GRM5: variants seen among roughly 807,000 people sequenced by gnomAD.
GRM5 encodes glutamate metabotropic receptor 5, also known as metabotropic glutamate receptor 5.
GRM5 carries 19 observed loss-of-function variants against 83.1 expected under a neutral mutation model. The observed-to-expected ratio is 0.23, with a 90% CI of 0.16 to 0.34. The LOEUF is 0.34. Ranked by LOEUF, GRM5 falls within the 10% of genes least tolerant of loss-of-function variation. GRM5 has a pLI of 1.00. For synonymous variants in GRM5, 675 were observed against 633.6 expected (o/e 1.07, Z -0.98); for missense variants, 1,160 against 1,588.3 (o/e 0.73, Z 4.58).
intron 2 of GRM5, among the ~76,000 whole-genome samples, chr11:88,931,211 A>T (rs1329095851): frequency 6.6e-6 from 1 of 151,790 alleles, no homozygotes; most frequent in Non-Finnish European, 1.5e-5. Flanking sequence ...ACTATATGCT[A>T]TCTGAAAAGC....
intron 3 of GRM5, among the ~76,000 whole-genome samples, chr11:88,738,391 T>A (rs1199122878): frequency 1.3e-5 from 2 of 152,032 alleles, no homozygotes; most frequent in Non-Finnish European, 2.9e-5. Flanking sequence ...TAATTAAATA[T>A]GTATACACAT....
chr11:88,664,389 G>T (rs1450579618), intron 3 of GRM5, among the ~76,000 whole-genome samples: 1 of 151,594 alleles, frequency 6.6e-6, no homozygotes, highest in Non-Finnish European at 1.5e-5. Context: ...TTTTTCCCTT[G>T]TCATTATTCC....
intron 2 of GRM5, among the ~76,000 whole-genome samples, chr11:88,902,639 C>G (rs1945330342): frequency 6.6e-6 from 1 of 151,948 alleles, no homozygotes; most frequent in Non-Finnish European, 1.5e-5. Flanking sequence ...AGACACCAAA[C>G]AGAAAAATAA....
chr11:88,598,258 A>G (rs1432683823), intron 5 of GRM5, among the ~76,000 whole-genome samples: 2 of 152,136 alleles, frequency 1.3e-5, no homozygotes, highest in Non-Finnish European at 2.9e-5. Context: ...ATGTGTAGCT[A>G]TCTGGAAACT....
rs184840799 is a variant in GRM5 at position 89,044,045 on chromosome 11, T to C, written c.661+3167A>G. ...AAGCACCATTAGTAGACGTCATCAA[T>C]GCAATCTGCCACACTGCTAAATGGG... On this transcript the variant is annotated intron_variant, in intron 2 of 9. Coordinates refer to ENST00000305447, the MANE Select transcript of GRM5 (RefSeq NM_001143831.3). 6.9e-3 allele frequency among the ~76,000 whole-genome samples: 1,054 copies of C among 152,326 alleles called. 6 individuals carry two copies. Among genetic ancestry groups the C allele is most frequent in the Non-Finnish European group, 0.012 (813 of 68,022 alleles).
At chr11:88,812,929 C>T (rs1393739147) in intron 3 of GRM5, among the ~76,000 whole-genome samples, 1 of 152,066 alleles carries the variant, frequency 6.6e-6, no homozygotes, top group Non-Finnish European at 1.5e-5. Flanking sequence ...TCTGTCTATG[C>T]TTGTTTCATT....
At chr11:88,619,783 C>A (rs186502484) in intron 4 of GRM5, among the ~76,000 whole-genome samples, 5 of 152,130 alleles carry the variant, frequency 3.3e-5, no homozygotes, top group Non-Finnish European at 7.4e-5. Flanking sequence ...CTCACTGTTT[C>A]TTCTGTACCC....
intron 2 of GRM5, among the ~76,000 whole-genome samples, chr11:88,981,883 G>A (rs1156436417): frequency 6.6e-6 from 1 of 152,102 alleles, no homozygotes; most frequent in Non-Finnish European, 1.5e-5. Context: ...GGAGAAATTG[G>A]CATCTAGGAG....
intron 3 of GRM5, among the ~76,000 whole-genome samples, chr11:88,720,822 GTGT>G (rs1941520209): frequency 8.7e-5 from 1 of 11,510 alleles, no homozygotes; most frequent in Non-Finnish European, 8.9e-4. Context: ...GTGTGTGTGC[GTGT>G]GTGTGTGTGT....
At chr11:89,003,560 A>T (rs556306255) in intron 2 of GRM5, among the ~76,000 whole-genome samples, 1 of 152,320 alleles carries the variant, frequency 6.6e-6, no homozygotes, top group South Asian at 2.1e-4. Flanking sequence ...TAAGAATAAC[A>T]ATGAACCAAG....
intron 3 of GRM5, among the ~76,000 whole-genome samples, chr11:88,670,127 G>A (rs1940153289): frequency 6.6e-6 from 1 of 151,840 alleles, no homozygotes; most frequent in Admixed American, 6.6e-5. Flanking sequence ...TCTAACAAAG[G>A]CAACACTGCA....
chr11:89,011,092 G>GT, intron 2 of GRM5, among the ~76,000 whole-genome samples: 1 of 152,208 alleles, frequency 6.6e-6, no homozygotes, highest in East Asian at 1.9e-4. Context: ...AACTCAATGA[G>GT]TTAGAATCTG....
intron 2 of GRM5, among the ~76,000 whole-genome samples, chr11:88,951,383 A>C (rs769980924): frequency 6.6e-6 from 1 of 152,206 alleles, no homozygotes; most frequent in African/African-American, 2.4e-5. Context: ...AAGGGGAAGA[A>C]CTTTCGCATA....
chr11:88,598,930 C>A (rs1012307923), intron 5 of GRM5, among the ~76,000 whole-genome samples: 2 of 152,176 alleles, frequency 1.3e-5, no homozygotes, highest in African/African-American at 4.8e-5. Flanking sequence ...AGATAATGGA[C>A]TGAAGCTCAG....
chr11:88,859,779 A>G (rs1488740787), intron 2 of GRM5, among the ~76,000 whole-genome samples: 1 of 152,180 alleles, frequency 6.6e-6, no homozygotes, highest in Non-Finnish European at 1.5e-5. Flanking sequence ...AATACTACTG[A>G]ATTGAATTTG....
chr11:88,980,120 A>C (rs1758361976), intron 2 of GRM5, among the ~76,000 whole-genome samples: 1 of 152,232 alleles, frequency 6.6e-6, no homozygotes, highest in African/African-American at 2.4e-5. Context: ...TTCTATCCAC[A>C]GACTAATTCT....
chr11:88,592,623 A>G (rs2135210498), intron 6 of GRM5, among the ~76,000 whole-genome samples: 1 of 152,328 alleles, frequency 6.6e-6, no homozygotes, highest in East Asian at 1.9e-4. Flanking sequence ...CCCTTTTCCA[A>G]GAAGAATTCC....
intron 3 of GRM5, among the ~76,000 whole-genome samples, chr11:88,814,252 T>A (rs900847105): frequency 1.3e-5 from 2 of 152,182 alleles, no homozygotes; most frequent in Non-Finnish European, 2.9e-5. Context: ...ACAAGGGAAT[T>A]TCCAGGCCAT....
intron 3 of GRM5, among the ~76,000 whole-genome samples, chr11:88,662,604 C>G (rs1255031091): frequency 6.6e-6 from 1 of 152,090 alleles, no homozygotes; most frequent in Non-Finnish European, 1.5e-5. Flanking sequence ...GGATACTACC[C>G]TCTATAAATC....
Sources: gnomAD v4.1 joint callset for allele counts (sites outside exome capture counted in the v4.1 genomes callset) on GRCh38, gnomAD v4.1.1 for gene constraint, MANE v1.5 for transcripts, NCBI Gene and HGNC (gene_info 2026-07-23, HGNC 2026-07-21) for gene names.